Variants in NOTCH3 observed in about 807,000 individuals in gnomAD.
The protein encoded by NOTCH3 is neurogenic locus notch homolog protein 3.
In NOTCH3, 86 loss-of-function variants were observed where a neutral mutation model predicts 213.3. The ratio of observed to expected loss-of-function variants is 0.40; its 90% confidence interval spans 0.34 to 0.48. The LOEUF is 0.48. Among genes scored for constraint, NOTCH3 ranks in the 20% least tolerant of loss-of-function variants. The pLI is 0.57. For missense variants in NOTCH3, 2,783 were observed against 3,272.6 expected, an observed-to-expected ratio of 0.85 and a Z score of 3.65; for synonymous variants, 1,354 against 1,355.9, an observed-to-expected ratio of 1.00 and a Z score of 0.03.
chr19:15,178,801 A>G lies in NOTCH3; in HGVS notation c.3837+22T>C, dbSNP rs772756907. On this transcript the variant is annotated intron_variant, in intron 23 of 32. Transcript: ENST00000263388. ...GAGGCCACGCCCCTACTCCTCCTCC[A>G]AAGGCCGCCACCCACACCTACCTGG... 14 of 1,553,636 alleles carry G rather than the reference A, an allele frequency of 9.0e-6. No individual in the cohort carries two copies. In the East Asian group the frequency reaches 3.0e-4, roughly 33 times the overall value.
chr19:15,181,238 G>A (rs1405933278), intron 17 of NOTCH3, 76 bp from the exon 18 acceptor site: 20 of 1,351,634 alleles, frequency 1.5e-5, no homozygotes, highest in Non-Finnish European at 2.1e-5. Flanking sequence ...GAGTCCCGCT[G>A]TTAGCGCTGG....
chr19:15,168,621 G>A (rs2046704866), intron 28 of NOTCH3, among the ~76,000 whole-genome samples: 1 of 152,072 alleles, frequency 6.6e-6, no homozygotes, highest in Non-Finnish European at 1.5e-5. Context: ...ATCACTTGAG[G>A]TCTGCAGCTT....
intron 2 of NOTCH3, among the ~76,000 whole-genome samples, chr19:15,193,858 C>T (rs927242199): frequency 6.7e-6 from 1 of 148,670 alleles, no homozygotes; most frequent in Non-Finnish European, 1.5e-5. Context: ...CTGAGGTGGG[C>T]GGATCACGAG....
At position 15,192,219 on chromosome 19, in the gene NOTCH3, T is replaced by C; in HGVS notation, c.420A>G (p.Gly140=). 6.2e-7 allele frequency: 1 copy of C among 1,608,954 alleles called. No individual in the cohort carries two copies. Among genetic ancestry groups the C allele is most frequent in the Non-Finnish European group, 8.5e-7 (1 of 1,178,308 alleles). Residue 140 remains glycine, a synonymous_variant, in exon 4 of 33, where the codon GGA becomes GGG. Coordinates refer to ENST00000263388, the MANE Select transcript of NOTCH3 (RefSeq NM_000435.3). ...CAGGTGGGCAGGAGCAGAGGAAGCG[T>C]CCATCGGGCCCCACTGAGCAGCGGG... is the stretch of plus-strand genomic sequence containing the variant. ...HGARCSVGPD[G]RFLCSCPPGY... is the part of the protein sequence containing the mutation.
rs545858293 is a variant in NOTCH3, at chr19:15,180,976, C to T, written c.2979G>A (p.Thr993=). The stretch of plus-strand genomic sequence containing the variant: ...CTCCACCCACCTGGCACTGCGGGCC[C>T]GTGAAGCTCTCGAGGCAGGTGCAGC... The part of the protein sequence containing the change: ...GFRCTCLESF[T]GPQCQTLVDW... Residue 993 remains threonine, a synonymous_variant, in exon 18 of 33, where the codon ACG becomes ACA. Coordinates refer to ENST00000263388, the MANE Select transcript of NOTCH3 (RefSeq NM_000435.3). 7 of 1,594,510 alleles carry T rather than the reference C, an allele frequency of 4.4e-6. No homozygotes were observed. The highest frequency in any genetic ancestry group is 2.3e-5 in the East Asian group (1 of 43,672).
Position 15,193,800 on chromosome 19 carries a change from C to A in NOTCH3, c.198-1281G>T, listed in dbSNP as rs577700216. ...AAAAACAAAAAACAAAAAAAACAAA[C>A]AGGCCAGGCGCAGTGGCTCATGCCT... is the stretch of plus-strand genomic sequence containing the variant. On this transcript the variant is annotated intron_variant, in intron 2 of 32. Transcript: ENST00000263388. 6.5e-4 allele frequency among the ~76,000 whole-genome samples: 77 copies of A among 118,634 alleles called. 7 individuals carry two copies. Among genetic ancestry groups the A allele is most frequent in the Non-Finnish European group, 8.5e-4 (48 of 56,438 alleles). The allele number at this position is 118,634 out of a possible 152,430, so 77.8% of individuals were successfully genotyped here.
Position 15,191,877 on chromosome 19 carries a change from A to G in NOTCH3, c.680-10T>C. ...TTCTGACCCTCAAACCCTAGCAGGG[A>G]AGGGGGCAAGGATGGTCACCGCCGG... On this transcript the variant is annotated splice_polypyrimidine_tract_variant and intron_variant, in intron 4 of 32. Transcript: ENST00000263388. 2 of 1,613,902 alleles carry G rather than the reference A, an allele frequency of 1.2e-6. No homozygotes were observed. The highest frequency in any genetic ancestry group is 1.7e-6 in the Non-Finnish European group (2 of 1,180,034).
Position 15,185,539 on chromosome 19 carries a change from G to C in NOTCH3, c.2092C>G (p.Pro698Ala). ...TGACTGCAGGGCTCATGGGCACAGGGATGGCTCGGGGGGAGGCAGAGTGGG... is the reference window on the plus strand; with the variant it reads ...TGACTGCAGGGCTCATGGGCACAGGCATGGCTCGGGGGGAGGCAGAGTGGG... ...LPPLCLPPSHPCAHEPCSHGI... is the reference protein window; with the variant it reads ...LPPLCLPPSHACAHEPCSHGI... Residue 698 changes from proline (P) to alanine (A), a missense_variant, in exon 13 of 33, where the codon CCC becomes GCC. Pro to Ala is a conservative substitution (Grantham distance 27, BLOSUM62 -1). Around this residue, in one of 6 missense-constraint regions of NOTCH3, gnomAD observed 861 missense variants for 909.1 expected, o/e 0.95. Transcript: ENST00000263388. The surrounding 1 kb of genome is among the most constrained non-coding windows in gnomAD (Gnocchi z 4.2). The C allele has an allele frequency of 6.2e-7, 1 of 1,613,808 alleles. No individual in the cohort carries two copies. The highest frequency in any genetic ancestry group is 8.5e-7 in the Non-Finnish European group (1 of 1,180,004).
At chr19:15,189,613 G>T (rs2046912678) in intron 6 of NOTCH3, among the ~76,000 whole-genome samples, 185 bp from the exon 7 acceptor site, 1 of 152,280 alleles carries the variant, frequency 6.6e-6, no homozygotes, top group East Asian at 1.9e-4. Context: ...CCACCTCCCA[G>T]GTTCAAGCGA....
intron 8 of NOTCH3, 129 bp downstream of exon 8, chr19:15,188,860 C>A: frequency 1.1e-6 from 1 of 918,974 alleles, no homozygotes; most frequent in South Asian, 1.6e-5. Context: ...CCACCTCCTT[C>A]CAGGCTTCAG....
At chr19:15,163,050 T>C (rs985714806) in intron 31 of NOTCH3, among the ~76,000 whole-genome samples, 1 of 152,128 alleles carries the variant, frequency 6.6e-6, no homozygotes, top group Non-Finnish European at 1.5e-5. Flanking sequence ...ACTACAGGCA[T>C]GTACCACCAT....
In NOTCH3 at chr19:15,184,372, G is replaced by A; in HGVS notation, c.2489C>T (p.Ala830Val). 6.2e-7 allele frequency: 1 copy of A among 1,613,792 alleles called. No individual in the cohort carries two copies. Among genetic ancestry groups the A allele is most frequent in the Non-Finnish European group, 8.5e-7 (1 of 1,179,896 alleles). The change falls in exon 16 of 33, where the codon GCA (alanine) becomes GTA (valine). Residue 830 changes from alanine (A) to valine (V), a missense_variant. Coordinates refer to ENST00000263388, the MANE Select transcript of NOTCH3 (RefSeq NM_000435.3). ...ATGGCAGGTGCAGCTGAAACTCCCTGCCAGGTTGGTGCAGATACCATGAGG... is the reference window on the plus strand; with the variant it reads ...ATGGCAGGTGCAGCTGAAACTCCCTACCAGGTTGGTGCAGATACCATGAGG... ...CGPHGICTNLAGSFSCTCHGG... is the reference protein window; with the variant it reads ...CGPHGICTNLVGSFSCTCHGG...
intron 1 of NOTCH3, 31 bp downstream of exon 1, chr19:15,200,757 T>G (rs773183800): frequency 7.9e-7 from 1 of 1,268,608 alleles, no homozygotes; most frequent in Admixed American, 3.2e-5. Flanking sequence ...TCTGCCGCCC[T>G]CGTCCCATCC....
rs1223768234 is a variant in NOTCH3 at position 15,178,817 on chromosome 19, A to G, written c.3837+6T>C. On this transcript the variant is annotated splice_donor_region_variant and intron_variant, in intron 23 of 32. Transcript: ENST00000263388. ...TCCTCCTCCAAAGGCCGCCACCCAC[A>G]CCTACCTGGGCACAGTGACAGGTGA... The G allele has an allele frequency of 6.3e-7, 1 of 1,586,212 alleles. No homozygotes were observed. Among genetic ancestry groups the G allele is most frequent in the African/African-American group, 1.3e-5 (1 of 74,416 alleles).
intron 8 of NOTCH3, 38 bp downstream of exon 8, chr19:15,188,951 C>T (rs769199426): frequency 6.0e-5 from 95 of 1,589,486 alleles, no homozygotes; most frequent in African/African-American, 1.2e-4. Context: ...TCCCCGCCCC[C>T]TGCCTCAGGA....
In NOTCH3 at chr19:15,175,308, G is replaced by GGGCA. The variant is rs1568352687; in HGVS notation, c.4404-909_4404-908insTGCC. Among the ~76,000 whole-genome samples the GGGCA allele has an allele frequency of 2.2e-3, 308 of 139,810 alleles. 2 individuals carry two copies. The highest frequency in any genetic ancestry group is 8.9e-3 in the African/African-American group (287 of 32,380). The allele number at this position is 139,810 out of a possible 152,430, so 91.7% of individuals were successfully genotyped here. A position where few individuals can be genotyped will look rare whatever the true frequency, so the allele number is the denominator to read the frequency against. ...AGCACTTTGGGAGGCCAAGGTGTAC[G>GGGCA]GATAACCTGAGGTCAGGAGTTCTAG... On this transcript the variant is annotated intron_variant, in intron 24 of 32. Coordinates refer to ENST00000263388, the MANE Select transcript of NOTCH3 (RefSeq NM_000435.3).
intron 28 of NOTCH3, 139 bp from the exon 29 acceptor site, chr19:15,167,550 G>A: frequency 4.2e-6 from 3 of 720,240 alleles, no homozygotes; most frequent in South Asian, 3.2e-5. Context: ...TTTACCATCT[G>A]TTTGGTGTTT....
chr19:15,169,230 C>CTCTCTT (rs58789779), intron 28 of NOTCH3, among the ~76,000 whole-genome samples: 5 of 139,882 alleles, frequency 3.6e-5, no homozygotes, highest in African/African-American at 8.0e-5. Flanking sequence ...CTCTCTCTCT[C>CTCTCTT]CCCTCTGTGT....
rs764721820 is a variant in NOTCH3 at position 15,161,093 on chromosome 19, C to T, written c.6535G>A (p.Ala2179Thr). 1 of 1,539,596 alleles carries T rather than the reference C, an allele frequency of 6.5e-7. No homozygotes were observed. The highest frequency in any genetic ancestry group is 1.2e-5 in the South Asian group (1 of 84,080). The change falls in exon 33 of 33, where the codon GCC (alanine) becomes ACC (threonine). Residue 2179 changes from alanine (A) to threonine (T), a missense_variant. By Grantham distance (58) the Ala-to-Thr change is moderately conservative. This residue lies in a region of NOTCH3 where 441 missense variants were observed against 432.1 expected (regional missense o/e 1.02). Coordinates refer to ENST00000263388, the MANE Select transcript of NOTCH3 (RefSeq NM_000435.3). ...AGCAGGAACGAGGGGCCTGGAGGGG[C>T]AGGTGGGGGCAGCCGGGCCCAATCG... is the stretch of plus-strand genomic sequence containing the variant. ...PLDWARLPPPAPPGPSFLLPL... is the reference protein window; with the variant it reads ...PLDWARLPPPTPPGPSFLLPL...
Sources: allele counts gnomAD v4.1 joint callset (sites outside exome capture counted in the v4.1 genomes callset), GRCh38; gene constraint gnomAD v4.1.1; regional missense constraint gnomAD v4.1.1; non-coding constraint Gnocchi (gnomAD v3.1); transcripts MANE v1.5; gene names NCBI Gene and HGNC (gene_info 2026-07-23, HGNC 2026-07-21).